The following NTN4 variants were observed in gnomAD, a reference collection of about 807,000 sequenced individuals.
The protein encoded by NTN4 is netrin 4.
A neutral mutation model predicts 73.6 loss-of-function variants in NTN4; 32 were observed. The observed-to-expected ratio is 0.44, with a 90% confidence interval of 0.33 to 0.58. NTN4 has a LOEUF of 0.58. Ranked by LOEUF, NTN4 falls within the 20% of genes least tolerant of loss-of-function variation. The pLI, the probability that NTN4 is intolerant of heterozygous loss-of-function variation, is 0.04. For missense variants in NTN4, 654 were observed against 798.3 expected, an observed-to-expected ratio of 0.82 and a Z score of 2.18; for synonymous variants, 258 against 287.5, an observed-to-expected ratio of 0.90 and a Z score of 1.04.
chr12:95,684,755 T>C (rs902889421), intron 5 of NTN4, among the ~76,000 whole-genome samples: 5 of 152,226 alleles, frequency 3.3e-5, no homozygotes, highest in African/African-American at 7.2e-5. Flanking sequence ...TCTATGTGTT[T>C]GTATACATAC....
At chr12:95,720,409 C>T (rs1335220548) in intron 3 of NTN4, among the ~76,000 whole-genome samples, 1 of 152,180 alleles carries the variant, frequency 6.6e-6, no homozygotes, top group African/African-American at 2.4e-5. Context: ...TAGTGTACAG[C>T]ATGGGAATCA....
rs139411629 is a variant in NTN4, at chr12:95,710,930, G to A, written c.992-301C>T. Among the ~76,000 whole-genome samples, 370 of 152,314 alleles carry A rather than the reference G, an allele frequency of 2.4e-3. 8 individuals are homozygous for A. In the East Asian group the frequency reaches 0.063, roughly 26 times the overall value. ...GAGGCAGGAGAATTGCTTGAACCCAGGAGGTGGAGGTTGCAGTGAGCTGAG... is the reference window on the plus strand; with the variant it reads ...GAGGCAGGAGAATTGCTTGAACCCAAGAGGTGGAGGTTGCAGTGAGCTGAG... On this transcript the variant is annotated intron_variant, in intron 4 of 9. Transcript: ENST00000343702.
At chr12:95,680,530 A>G (rs552227198) in intron 7 of NTN4, among the ~76,000 whole-genome samples, 23 of 152,402 alleles carry the variant, frequency 1.5e-4, no homozygotes, top group Non-Finnish European at 3.1e-4. Flanking sequence ...ACAAAGTCAC[A>G]TACAAGAGAA....
intron 2 of NTN4, among the ~76,000 whole-genome samples, chr12:95,753,522 T>G (rs1425419963): frequency 6.9e-6 from 1 of 144,404 alleles, no homozygotes; most frequent in Non-Finnish European, 1.5e-5. Context: ...CTGTCAGACA[T>G]AATTCCTCAG....
intron 2 of NTN4, among the ~76,000 whole-genome samples, chr12:95,777,919 C>T (rs2079105826): frequency 2.2e-5 from 2 of 89,486 alleles, no homozygotes; most frequent in Admixed American, 2.0e-4. Flanking sequence ...GCTGGAAGTA[C>T]TCCTCAGCAA....
intron 7 of NTN4, among the ~76,000 whole-genome samples, chr12:95,680,433 C>T (rs560104055): frequency 8.5e-5 from 13 of 152,308 alleles, no homozygotes; most frequent in African/African-American, 2.4e-4. Context: ...GCAGGTAGCC[C>T]GCAAGCTATA....
chr12:95,739,009 G>C (rs900246651), intron 2 of NTN4, among the ~76,000 whole-genome samples: 11 of 152,270 alleles, frequency 7.2e-5, no homozygotes, highest in Admixed American at 6.5e-5. Flanking sequence ...CCTGGTTTCT[G>C]TTCTTAGTAC....
intron 2 of NTN4, among the ~76,000 whole-genome samples, chr12:95,783,482 T>A (rs1273960223): frequency 1.3e-5 from 2 of 152,210 alleles, no homozygotes; most frequent in Non-Finnish European, 2.9e-5. Context: ...TTTGGCAAAT[T>A]CCATTTTACC....
chr12:95,751,226 A>G (rs1565907279), intron 2 of NTN4, among the ~76,000 whole-genome samples: 1 of 151,872 alleles, frequency 6.6e-6, no homozygotes, highest in African/African-American at 2.4e-5. Context: ...GGTGTACAAT[A>G]ATAGAAAAAA....
At position 95,786,997 on chromosome 12, in the gene NTN4, T is replaced by A; in HGVS notation, c.527A>T (p.Lys176Met). Residue 176 changes from lysine (K) to methionine (M), a missense_variant, in exon 2 of 10, where the codon AAG (lysine) becomes ATG (methionine). Physicochemically the swap from Lys to Met is moderately conservative, Grantham distance 95. Transcript: ENST00000343702. Reference protein sequence around the residue: ...ATFGLEDDVVKKGAICTSKYS... With the variant: ...ATFGLEDDVVMKGAICTSKYS... ...TTTAGAAGTACAAATAGCGCCCTTC[T>A]TGACAACATCATCTTCCAGGCCAAA... is the stretch of plus-strand genomic sequence containing the variant. 2.5e-6 allele frequency: 4 copies of A among 1,614,250 alleles called. No homozygotes were observed. Among genetic ancestry groups the A allele is most frequent in the Non-Finnish European group, 3.4e-6 (4 of 1,180,044 alleles).
intron 2 of NTN4, among the ~76,000 whole-genome samples, chr12:95,740,933 T>A (rs1197567157): frequency 6.6e-6 from 1 of 152,154 alleles, no homozygotes; most frequent in Non-Finnish European, 1.5e-5. Flanking sequence ...ACTCTGCAGG[T>A]GGGGCCCAGC....
chr12:95,671,102 A>C (rs2078226459), intron 7 of NTN4: 1 of 152,108 alleles, frequency 6.6e-6, no homozygotes. Context: ...GGGTTCAAGC[A>C]ATTCTCCTGT....
chr12:95,710,656 C>T, intron 4 of NTN4, 27 bp from the exon 5 acceptor site: 1 of 1,596,920 alleles, frequency 6.3e-7, no homozygotes. Flanking sequence ...TGGAGAGAAA[C>T]ACTAATAAGT....
chr12:95,711,101 G>T (rs759418553), intron 4 of NTN4, among the ~76,000 whole-genome samples: 1 of 152,184 alleles, frequency 6.6e-6, no homozygotes, highest in African/African-American at 2.4e-5. Context: ...TATCCATTGA[G>T]AAATCTAGCC....
At position 95,790,446 on chromosome 12, in the gene NTN4, C is replaced by T. The variant is rs2079200599; in HGVS notation, c.-137G>A. The T allele has an allele frequency of 1.0e-5, 7 of 689,052 alleles. No homozygotes were observed. The highest frequency in any genetic ancestry group is 3.8e-5 in the African/African-American group (2 of 53,076). 42.7% of individuals were successfully genotyped at this position (689,052 alleles called of 1,614,324 possible). A position where few individuals can be genotyped will look rare whatever the true frequency, so the allele number is the denominator to read the frequency against. On this transcript the variant is annotated 5_prime_UTR_variant, in exon 1 of 10. Transcript: ENST00000343702. The surrounding 1 kb of genome is among the most constrained non-coding windows in gnomAD (Gnocchi z 6.5). ...CTTCCTCCTCCTGGGGCGCCGGGCT[C>T]GGTCAGCGGTCGCCGGCAGCTGGGA... is the stretch of plus-strand genomic sequence containing the variant.
chr12:95,746,280 TG>T (rs2078862118), intron 2 of NTN4, among the ~76,000 whole-genome samples: 1 of 152,164 alleles, frequency 6.6e-6, no homozygotes, highest in African/African-American at 2.4e-5. Flanking sequence ...TCTATCACCT[TG>T]TAATAGTCTT....
chr12:95,783,728 T>C (rs140585133), intron 2 of NTN4, among the ~76,000 whole-genome samples: 1 of 152,342 alleles, frequency 6.6e-6, no homozygotes, highest in African/African-American at 2.4e-5. Context: ...CTCAATCTCA[T>C]CTCCCAGGAA....
At chr12:95,782,069 C>A (rs946190036) in intron 2 of NTN4, among the ~76,000 whole-genome samples, 16 of 152,298 alleles carry the variant, frequency 1.1e-4, no homozygotes, top group African/African-American at 3.4e-4. Flanking sequence ...ATATGAACTA[C>A]CAACTCAGCT....
intron 7 of NTN4, among the ~76,000 whole-genome samples, chr12:95,681,643 C>A (rs953466407): frequency 3.3e-5 from 5 of 152,126 alleles, no homozygotes; most frequent in African/African-American, 1.2e-4. Flanking sequence ...TGCTTTTCTA[C>A]AAGAAGAGAA....
Sources: allele counts gnomAD v4.1 joint callset (sites outside exome capture counted in the v4.1 genomes callset), GRCh38; gene constraint gnomAD v4.1.1; non-coding constraint Gnocchi (gnomAD v3.1); transcripts MANE v1.5; gene names NCBI Gene and HGNC (gene_info 2026-07-23, HGNC 2026-07-21).